The following RIMBP2 variants were observed in gnomAD, a reference collection of about 807,000 sequenced individuals.
RIMBP2 encodes RIMS binding protein 2, also known as RIMS-binding protein 2.
A neutral mutation model predicts 118.6 loss-of-function variants in RIMBP2; 48 were observed. The ratio of observed to expected loss-of-function variants is 0.40; its 90% CI spans 0.32 to 0.51. RIMBP2 has a LOEUF of 0.51. Ranked by LOEUF, RIMBP2 falls within the 20% of genes least tolerant of loss-of-function variation. The probability of loss-of-function intolerance (pLI) is 0.41; values close to 1 mark genes in which losing one functional copy is unlikely to be tolerated. For synonymous variants in RIMBP2, 762 were observed against 742.9 expected (o/e 1.03, Z -0.42); for missense variants, 1,551 against 1,768.3 (o/e 0.88, Z 2.20).
chr12:130,535,542 C>G (rs2139429008), intron 2 of RIMBP2, among the ~76,000 whole-genome samples: 1 of 151,712 alleles, frequency 6.6e-6, no homozygotes, highest in African/African-American at 2.4e-5. Context: ...TTAATAACAA[C>G]ACTGCACAAG....
intron 2 of RIMBP2, among the ~76,000 whole-genome samples, chr12:130,552,651 T>A (rs2055915567): frequency 6.6e-6 from 1 of 152,212 alleles, no homozygotes; most frequent in Non-Finnish European, 1.5e-5. Flanking sequence ...ATCAGCTTGT[T>A]CATTCTGCCA....
Position 130,424,143 on chromosome 12 carries a change from A to AG in RIMBP2, c.3127dup (p.Leu1043ProfsTer51), listed in dbSNP as rs1213990014. ...GAAAAGGAAGTTTAGGTCACACACC[A>AG]GGGGGCCTTGTGCGACTCTGGGAGG... On this transcript the variant is annotated frameshift_variant and splice_region_variant, in exon 16 of 23. Transcript: ENST00000690449. LOFTEE classifies it high-confidence loss of function. The surrounding 1 kb of genome is among the most constrained non-coding windows in gnomAD (Gnocchi z 9.8). The AG allele has an allele frequency of 6.5e-6, 8 of 1,229,002 alleles. No individual in the cohort carries two copies. The highest frequency in any genetic ancestry group is 8.1e-6 in the Non-Finnish European group (8 of 985,208). 76.1% of individuals were successfully genotyped at this position (1,229,002 alleles called of 1,614,324 possible).
intron 1 of RIMBP2, among the ~76,000 whole-genome samples, chr12:130,659,171 G>A (rs1423435837): frequency 6.6e-6 from 1 of 151,966 alleles, no homozygotes; most frequent in East Asian, 1.9e-4. Flanking sequence ...ACTGTCTAGT[G>A]GTCACCTTAA....
chr12:130,464,902 A>C (rs539538347), intron 6 of RIMBP2: 1 of 152,386 alleles, frequency 6.6e-6, no homozygotes, highest in East Asian at 1.9e-4. Context: ...AGCGCCTGGG[A>C]CCACAGCCCT....
chr12:130,461,101 T>C (rs572618845), intron 6 of RIMBP2, among the ~76,000 whole-genome samples: 8 of 152,238 alleles, frequency 5.3e-5, no homozygotes, highest in African/African-American at 1.9e-4. Context: ...GCTCCACCCG[T>C]GACACTAGGG....
At chr12:130,627,113 C>T (rs1454978586) in intron 2 of RIMBP2, among the ~76,000 whole-genome samples, 1 of 152,172 alleles carries the variant, frequency 6.6e-6, no homozygotes, top group Admixed American at 6.5e-5. Context: ...ACAACTACCG[C>T]CAGCATCATC....
chr12:130,623,542 G>A lies in RIMBP2; in HGVS notation c.-217+4780C>T, dbSNP rs1042429306. 6.6e-6 allele frequency among the ~76,000 whole-genome samples: 1 copy of A among 152,136 alleles called. No homozygotes were observed. The highest frequency in any genetic ancestry group is 1.5e-5 in the Non-Finnish European group (1 of 68,032). ...ATGGTTAGGGGACAGTTAGTTAACTGTTGTCATCTGTGTGTGCATCTACAT... is the reference window on the plus strand; with the variant it reads ...ATGGTTAGGGGACAGTTAGTTAACTATTGTCATCTGTGTGTGCATCTACAT... On this transcript the variant is annotated intron_variant, in intron 2 of 22. Coordinates refer to ENST00000690449, the MANE Select transcript of RIMBP2 (RefSeq NM_001393629.1). This position sits in a 1 kb window ranked among gnomAD's most constrained non-coding sequence, Gnocchi z 4.1.
At chr12:130,652,338 C>T (rs2063261961) in intron 1 of RIMBP2, among the ~76,000 whole-genome samples, 1 of 152,210 alleles carries the variant, frequency 6.6e-6, no homozygotes, top group South Asian at 2.1e-4. Flanking sequence ...GCCACAAAGA[C>T]TTTCTAGCCT....
intron 4 of RIMBP2, among the ~76,000 whole-genome samples, chr12:130,479,703 G>A (rs2081785785): frequency 6.6e-6 from 1 of 152,014 alleles, no homozygotes. Flanking sequence ...TCAGACCCAG[G>A]AGTCCAAATT....
intron 21 of RIMBP2, among the ~76,000 whole-genome samples, chr12:130,405,214 A>C (rs7133062): frequency 0.7 from 104,466 of 150,016 alleles, 37,558 homozygotes; most frequent in Non-Finnish European, 0.8. Context: ...CACACACACA[A>C]AGTTAAAAAG....
chr12:130,619,349 CTCAG>C (rs1395003755), intron 2 of RIMBP2, among the ~76,000 whole-genome samples: 3 of 152,208 alleles, frequency 2.0e-5, no homozygotes, highest in Admixed American at 2.0e-4. Flanking sequence ...ACCTCTGGAG[CTCAG>C]TCAGAGCTTT....
intron 19 of RIMBP2, among the ~76,000 whole-genome samples, chr12:130,411,994 GCAGAGGCTTTTTTTGAGACTA>G (rs2075756572): frequency 6.6e-6 from 1 of 151,942 alleles, no homozygotes. Context: ...TTTAGAAAAA[GCAGAGGCTTTTTTTGAGACTA>G]CAGAGGCTTT....
At chr12:130,707,381 T>C (rs889694535) in intron 1 of RIMBP2, among the ~76,000 whole-genome samples, 1 of 152,000 alleles carries the variant, frequency 6.6e-6, no homozygotes, top group Non-Finnish European at 1.5e-5. Context: ...GGGAGGCACA[T>C]CAAGAAACAG....
At chr12:130,518,471 A>G (rs954373124) in intron 2 of RIMBP2, among the ~76,000 whole-genome samples, 2 of 152,226 alleles carry the variant, frequency 1.3e-5, no homozygotes, top group African/African-American at 4.8e-5. Flanking sequence ...TGTATTCCAC[A>G]TAAGACAAGA....
intron 22 of RIMBP2, chr12:130,399,189 T>C: frequency 8.0e-7 from 1 of 1,254,210 alleles, no homozygotes; most frequent in Non-Finnish European, 1.0e-6. Flanking sequence ...AGCAAAGAAA[T>C]AAAAATATAT....
intron 2 of RIMBP2, among the ~76,000 whole-genome samples, chr12:130,557,208 G>A (rs1024637111): frequency 2.6e-5 from 4 of 152,096 alleles, no homozygotes; most frequent in Admixed American, 6.6e-5. Flanking sequence ...CCTACAGGCC[G>A]AGGAGTACCA....
At chr12:130,557,755 A>G (rs2056488476) in intron 2 of RIMBP2, among the ~76,000 whole-genome samples, 2 of 152,236 alleles carry the variant, frequency 1.3e-5, no homozygotes, top group Admixed American at 1.3e-4. Context: ...TTTTAAAAAC[A>G]TATTTTAAAA....
At chr12:130,478,833 C>T (rs1035572359) in intron 5 of RIMBP2, 79 bp downstream of exon 5, 87 of 1,037,664 alleles carry the variant, frequency 8.4e-5, no homozygotes, top group Non-Finnish European at 1.1e-4. Flanking sequence ...GCAGGTCGGC[C>T]GCTCCACCAC....
chr12:130,667,670 C>T (rs1187893045), intron 1 of RIMBP2: 1 of 152,268 alleles, frequency 6.6e-6, no homozygotes, highest in Non-Finnish European at 1.5e-5. Flanking sequence ...AAAGGTGGAC[C>T]TTGTGATTAG....
Sources: allele counts gnomAD v4.1 joint callset (sites outside exome capture counted in the v4.1 genomes callset), GRCh38; gene constraint gnomAD v4.1.1; non-coding constraint Gnocchi (gnomAD v3.1); transcripts MANE v1.5; gene names NCBI Gene and HGNC (gene_info 2026-07-23, HGNC 2026-07-21).